FRMD4A: variants seen among roughly 807,000 people sequenced by gnomAD.
The protein encoded by FRMD4A is FERM domain containing 4A.
A neutral mutation model predicts 129.1 loss-of-function variants in FRMD4A; 29 were observed. The ratio of observed to expected loss-of-function variants is 0.22; its 90% CI spans 0.17 to 0.31. The LOEUF is 0.31. Ranked by LOEUF, FRMD4A falls within the 10% of genes least tolerant of loss-of-function variation. The pLI, the probability that FRMD4A is intolerant of heterozygous loss-of-function variation, is 1.00. For missense variants in FRMD4A, 1,272 were observed against 1,375.8 expected (o/e 0.92, Z 1.19); for synonymous variants, 634 against 571.6 (o/e 1.11, Z -1.56).
At chr10:14,212,126 A>C (rs1842949381) in intron 2 of FRMD4A, among the ~76,000 whole-genome samples, 2 of 152,062 alleles carry the variant, frequency 1.3e-5, no homozygotes, top group African/African-American at 4.8e-5. Flanking sequence ...CAGGGAGAGG[A>C]GGTGAGCTGT....
At chr10:13,916,452 G>C (rs1247677367) in intron 2 of FRMD4A, among the ~76,000 whole-genome samples, 1 of 152,170 alleles carries the variant, frequency 6.6e-6, no homozygotes, top group East Asian at 1.9e-4. Context: ...TTGAGCAAAG[G>C]CCCAACTAGT....
intron 3 of FRMD4A, among the ~76,000 whole-genome samples, chr10:13,822,210 G>A (rs2093639645): frequency 6.6e-6 from 1 of 152,104 alleles, no homozygotes; most frequent in South Asian, 2.1e-4. Context: ...TACGATTTTT[G>A]TAGCGAGAAC....
chr10:13,707,265 C>A, intron 12 of FRMD4A, 152 bp from the exon 13 acceptor site: 1 of 770,458 alleles, frequency 1.3e-6, no homozygotes, highest in Non-Finnish European at 2.0e-6. Flanking sequence ...TTGACACACA[C>A]ACACACATAC....
At position 13,762,630 on chromosome 10, in the gene FRMD4A, A is replaced by C; in HGVS notation, c.435T>G (p.Ile145Met). ...SEVVFELASY[I>M]LQEAKGDFSS... is the part of the protein sequence containing the mutation. ...GAGGAGAAAAACAACTTACCTGTAA[A>C]ATATAGGAAGCTAATTCAAACACCA... Residue 145 changes from isoleucine to methionine, a missense_variant, in exon 7 of 25, where the codon ATT (isoleucine) becomes ATG (methionine). Around this residue, in one of 2 missense-constraint regions of FRMD4A, gnomAD observed 300 missense variants for 483.6 expected, o/e 0.62. Transcript: ENST00000357447. 6.3e-7 allele frequency: 1 copy of C among 1,588,930 alleles called. No individual in the cohort carries two copies. The highest frequency in any genetic ancestry group is 8.6e-7 in the Non-Finnish European group (1 of 1,157,184).
chr10:14,196,714 A>G (rs1010394115), intron 2 of FRMD4A, among the ~76,000 whole-genome samples: 10 of 152,240 alleles, frequency 6.6e-5, no homozygotes, highest in Admixed American at 3.3e-4. Flanking sequence ...TTCTTAATGT[A>G]AATTGCTAGC....
chr10:13,779,414 A>C (rs2092683670), intron 6 of FRMD4A, among the ~76,000 whole-genome samples: 1 of 152,204 alleles, frequency 6.6e-6, no homozygotes, highest in Non-Finnish European at 1.5e-5. Flanking sequence ...TAAACCCATC[A>C]AATCTTCACT....
intron 2 of FRMD4A, among the ~76,000 whole-genome samples, chr10:14,246,563 TCA>T (rs1844247365): frequency 6.6e-6 from 1 of 152,080 alleles, no homozygotes; most frequent in Non-Finnish European, 1.5e-5. Context: ...ATTTACACAA[TCA>T]CATATGTACA....
At chr10:14,226,205 G>A (rs1161667404) in intron 2 of FRMD4A, among the ~76,000 whole-genome samples, 3 of 152,242 alleles carry the variant, frequency 2.0e-5, no homozygotes, top group African/African-American at 7.2e-5. Context: ...TGCTGCACCT[G>A]TCAACTCATC....
intron 2 of FRMD4A, among the ~76,000 whole-genome samples, chr10:14,012,577 G>A (rs897318436): frequency 6.6e-6 from 1 of 152,168 alleles, no homozygotes; most frequent in Admixed American, 6.5e-5. Context: ...CAGCAGGAGG[G>A]GGAAGAGTCT....
chr10:14,159,837 C>T (rs1240262445), intron 2 of FRMD4A, among the ~76,000 whole-genome samples: 2 of 152,244 alleles, frequency 1.3e-5, no homozygotes, highest in East Asian at 3.9e-4. Context: ...ATTGCCTGAG[C>T]TGAGGATTTT....
At chr10:14,219,991 T>A (rs779081438) in intron 2 of FRMD4A, among the ~76,000 whole-genome samples, 1 of 152,192 alleles carries the variant, frequency 6.6e-6, no homozygotes, top group Admixed American at 6.5e-5. Flanking sequence ...CTATTGCGAA[T>A]GGTGTCTAGA....
chr10:13,796,591 GA>G lies in FRMD4A; in HGVS notation c.207-4del. 2 of 1,526,416 alleles carry G rather than the reference GA, an allele frequency of 1.3e-6. No homozygotes were observed. Among genetic ancestry groups the G allele is most frequent in the Non-Finnish European group, 1.8e-6 (2 of 1,100,102 alleles). The allele number at this position is 1,526,416 out of a possible 1,614,324, so 94.6% of individuals were successfully genotyped here. A position where few individuals can be genotyped will look rare whatever the true frequency, so the allele number is the denominator to read the frequency against. ...GCTGAAGCCAGTTTAAGTGTCCCCT[GA>G]AGAAAATAGAGACAAATTGGTTAGG... On this transcript the variant is annotated splice_polypyrimidine_tract_variant and splice_region_variant and intron_variant, in intron 4 of 24. Transcript: ENST00000357447.
intron 5 of FRMD4A, among the ~76,000 whole-genome samples, chr10:13,794,818 A>G (rs189463621): frequency 8.5e-5 from 13 of 152,308 alleles, no homozygotes; most frequent in East Asian, 3.9e-4. Context: ...TGGATGTTAC[A>G]TCTGGGTCTT....
At chr10:14,068,881 C>T (rs549836712) in intron 2 of FRMD4A, among the ~76,000 whole-genome samples, 9 of 150,644 alleles carry the variant, frequency 6.0e-5, no homozygotes, top group Non-Finnish European at 1.2e-4. Flanking sequence ...TCCCTCCCTC[C>T]CTCCCTCTCC....
At chr10:14,286,486 A>G (rs1845684767) in intron 2 of FRMD4A, among the ~76,000 whole-genome samples, 1 of 152,164 alleles carries the variant, frequency 6.6e-6, no homozygotes, top group Non-Finnish European at 1.5e-5. Context: ...TGGCTTGAGA[A>G]ACAATGTGCC....
chr10:14,095,061 C>G (rs1836879046), intron 2 of FRMD4A, among the ~76,000 whole-genome samples: 1 of 152,046 alleles, frequency 6.6e-6, no homozygotes, highest in Non-Finnish European at 1.5e-5. Context: ...CATGAAGGAA[C>G]TGAAGATTTT....
intron 2 of FRMD4A, among the ~76,000 whole-genome samples, chr10:14,064,021 G>T (rs556548080): frequency 5.5e-4 from 84 of 152,218 alleles, no homozygotes; most frequent in African/African-American, 1.8e-3. Context: ...ATCAAGTCAT[G>T]TTCTTCCCGC....
At chr10:14,120,378 T>A (rs1418592160) in intron 2 of FRMD4A, among the ~76,000 whole-genome samples, 1 of 152,118 alleles carries the variant, frequency 6.6e-6, no homozygotes, top group Non-Finnish European at 1.5e-5. Flanking sequence ...CAATACCCTC[T>A]CCCATACTCC....
chr10:13,825,089 C>G (rs529711515), intron 3 of FRMD4A, among the ~76,000 whole-genome samples: 254 of 152,130 alleles, frequency 1.7e-3, no homozygotes, highest in Non-Finnish European at 3.0e-3. Flanking sequence ...GCTTTTTGTC[C>G]TATACATACA....
Sources: allele counts gnomAD v4.1 joint callset (sites outside exome capture counted in the v4.1 genomes callset), GRCh38; gene constraint gnomAD v4.1.1; regional missense constraint gnomAD v4.1.1; transcripts MANE v1.5; gene names NCBI Gene and HGNC (gene_info 2026-07-23, HGNC 2026-07-21).